FAM50B: variants seen among roughly 807,000 people sequenced by gnomAD.
FAM50B encodes the protein protein FAM50B.
A neutral mutation model predicts 25.4 loss-of-function variants in FAM50B; 9 were observed. The observed-to-expected ratio is 0.35, with a 90% CI of 0.21 to 0.62. The LOEUF is 0.62. Ranked by LOEUF, FAM50B falls within the 20% of genes least tolerant of loss-of-function variation. The pLI, the probability that FAM50B is intolerant of heterozygous loss-of-function variation, is 0.73. For missense variants in FAM50B, 372 were observed against 477.9 expected (o/e 0.78, Z 2.07); for synonymous variants, 212 against 204.3 (o/e 1.04, Z -0.32).
chr6:3,841,127 C>A, the FAM50B span, among the ~76,000 whole-genome samples: 1 of 152,202 alleles, frequency 6.6e-6, no homozygotes, highest in Non-Finnish European at 1.5e-5. Flanking sequence ...TAGGTCCGAC[C>A]TGTTAGGAGC....
the FAM50B span, among the ~76,000 whole-genome samples, chr6:3,834,359 C>CAAAAAAAAA: frequency 1.3e-5 from 1 of 75,038 alleles, no homozygotes. Context: ...TGATATATGG[C>CAAAAAAAAA]AAAAAAAAAA....
At chr6:3,841,470 A>G in the FAM50B span, among the ~76,000 whole-genome samples, 18 of 152,206 alleles carry the variant, frequency 1.2e-4, no homozygotes, top group Non-Finnish European at 2.5e-4. Flanking sequence ...TGTTCTCTAC[A>G]AAAGGGCTGA....
upstream of FAM50B, among the ~76,000 whole-genome samples, chr6:3,846,596 C>T (rs530596060): frequency 3.3e-5 from 5 of 152,282 alleles, no homozygotes; most frequent in Admixed American, 2.0e-4. Flanking sequence ...CTACCTTTCA[C>T]GAAAGATTTC....
chr6:3,836,068 C>T, the FAM50B span, among the ~76,000 whole-genome samples: 15 of 151,564 alleles, frequency 9.9e-5, no homozygotes, highest in East Asian at 2.7e-3. Flanking sequence ...GATATTTGTT[C>T]GTTCATCTAT....
At position 3,850,195 on chromosome 6, in the gene FAM50B, TGACCAGGCC is replaced by T; in HGVS notation, c.388_396del (p.Gln130_Asp132del). ...TGTCCTTTGCACTAGACGACCTCGA[TGACCAGGCC>T]GACGCGGCCGAGGCCAGGCGCGCCG... On this transcript the variant is annotated inframe_deletion, in exon 2 of 2. Coordinates refer to ENST00000648326, the MANE Select transcript of FAM50B (RefSeq NM_012135.3). The T allele has an allele frequency of 6.2e-7, 1 of 1,613,402 alleles. No homozygotes were observed. Among genetic ancestry groups the T allele is most frequent in the Non-Finnish European group, 8.5e-7 (1 of 1,179,874 alleles).
rs754848769 is a variant in FAM50B, at chr6:3,850,413, T to G, written c.602T>G (p.Val201Gly). The G allele has an allele frequency of 4.7e-5, 76 of 1,613,090 alleles. No homozygotes were observed. Among genetic ancestry groups the G allele is most frequent in the Non-Finnish European group, 6.0e-5 (71 of 1,179,906 alleles). The part of the protein sequence containing the change: ...YWDGSGHRRT[V>G]RVRKGNTVQQ... ...GACGGCTCGGGCCACCGGCGCACGG[T>G]GCGGGTGCGCAAGGGCAACACGGTG... Residue 201 changes from valine to glycine, a missense_variant, in exon 2 of 2, where the codon GTG becomes GGG. Coordinates refer to ENST00000648326, the MANE Select transcript of FAM50B (RefSeq NM_012135.3).
At chr6:3,838,958 T>C in the FAM50B span, among the ~76,000 whole-genome samples, 1 of 151,984 alleles carries the variant, frequency 6.6e-6, no homozygotes, top group Non-Finnish European at 1.5e-5. Context: ...GAAATAACTC[T>C]GACTTAAAAT....
In FAM50B at chr6:3,850,777, C is replaced by T. The variant is rs1360572259; in HGVS notation, c.966C>T (p.Tyr322=). ...ACCCCGAGAAGAAGTGGGACAAGTA[C>T]ACCATCCGCTAACACCCGCCTGCCA... ...AYDPEKKWDK[Y]TIR Residue 322 remains tyrosine (Y), a synonymous_variant, in exon 2 of 2, where the codon TAC becomes TAT. Coordinates refer to ENST00000648326, the MANE Select transcript of FAM50B (RefSeq NM_012135.3). 2.5e-6 allele frequency: 4 copies of T among 1,613,486 alleles called. No homozygotes were observed. Among genetic ancestry groups the T allele is most frequent in the Admixed American group, 1.7e-5 (1 of 59,996 alleles).
At chr6:3,834,359 C>CAAA in the FAM50B span, among the ~76,000 whole-genome samples, 489 of 75,002 alleles carry the variant, frequency 6.5e-3, 3 homozygotes, top group Middle Eastern at 0.019. Context: ...TGATATATGG[C>CAAA]AAAAAAAAAA....
the FAM50B span, among the ~76,000 whole-genome samples, chr6:3,835,046 C>T: frequency 6.6e-6 from 1 of 152,120 alleles, no homozygotes; most frequent in African/African-American, 2.4e-5. Flanking sequence ...GAGAGAAATA[C>T]AGGTTGGGTA....
At chr6:3,838,892 T>G in the FAM50B span, among the ~76,000 whole-genome samples, 1 of 140,408 alleles carries the variant, frequency 7.1e-6, no homozygotes, top group Admixed American at 7.1e-5. Flanking sequence ...AATGAAGGAA[T>G]GAACTACTGA....
At chr6:3,841,594 G>A in the FAM50B span, among the ~76,000 whole-genome samples, 3 of 152,194 alleles carry the variant, frequency 2.0e-5, no homozygotes, top group African/African-American at 7.2e-5. Flanking sequence ...CACCATAAAT[G>A]AGATAACAGC....
Position 3,850,546 on chromosome 6 carries a change from G to A in FAM50B, c.735G>A (p.Pro245=). The A allele has an allele frequency of 6.2e-7, 1 of 1,614,046 alleles. No individual in the cohort carries two copies. The highest frequency in any genetic ancestry group is 8.5e-7 in the Non-Finnish European group (1 of 1,180,028). The stretch of plus-strand genomic sequence containing the variant: ...TCATCAAGGAGGACCTCATCCTGCC[G>A]CACTACCACACCTTCTACGACTTCA... The part of the protein sequence containing the change: ...LMFIKEDLIL[P]HYHTFYDFII... The change falls in exon 2 of 2, where the codon CCG becomes CCA. Residue 245 remains proline (P), a synonymous_variant. Coordinates refer to ENST00000648326, the MANE Select transcript of FAM50B (RefSeq NM_012135.3).
At chr6:3,837,531 G>A in the FAM50B span, among the ~76,000 whole-genome samples, 118,614 of 152,138 alleles carry the variant, frequency 0.78, 46,766 homozygotes, top group African/African-American at 0.88. Flanking sequence ...ATGCCACTAC[G>A]TACCTATTAA....
chr6:3,835,091 C>G, the FAM50B span, among the ~76,000 whole-genome samples: 3 of 152,196 alleles, frequency 2.0e-5, no homozygotes, highest in Non-Finnish European at 2.9e-5. Flanking sequence ...ATGCGTTCCT[C>G]TTGCCCTGGG....
the FAM50B span, among the ~76,000 whole-genome samples, chr6:3,838,001 G>T: frequency 6.6e-6 from 1 of 152,220 alleles, no homozygotes; most frequent in Non-Finnish European, 1.5e-5. Flanking sequence ...AGCACTAAGT[G>T]CTGACAAGAA....
chr6:3,835,836 A>G, the FAM50B span, among the ~76,000 whole-genome samples: 7 of 152,032 alleles, frequency 4.6e-5, no homozygotes, highest in Non-Finnish European at 2.9e-5. Flanking sequence ...GACACTGTGG[A>G]CTCCCAACCT....
the FAM50B span, among the ~76,000 whole-genome samples, chr6:3,839,310 T>C: frequency 0.8 from 122,206 of 151,818 alleles, 49,286 homozygotes; most frequent in South Asian, 0.87. Context: ...AGCTCACTCA[T>C]CTCCTCCCCC....
the FAM50B span, among the ~76,000 whole-genome samples, chr6:3,840,032 G>C: frequency 6.6e-6 from 1 of 152,072 alleles, no homozygotes; most frequent in Non-Finnish European, 1.5e-5. Context: ...TCACTCTGTC[G>C]CCCAGGCTGG....
Sources: allele counts gnomAD v4.1 joint callset (sites outside exome capture counted in the v4.1 genomes callset), GRCh38; gene constraint gnomAD v4.1.1; transcripts MANE v1.5; gene names NCBI Gene and HGNC (gene_info 2026-07-23, HGNC 2026-07-21).